The following ZFHX4 variants were observed in gnomAD, a reference collection of about 807,000 sequenced individuals.
The protein encoded by ZFHX4 is zinc finger homeobox 4, also known as zinc finger homeobox protein 4.
Under a neutral mutation model 267.6 loss-of-function variants are expected in ZFHX4, and 56 were observed. That is an observed-to-expected ratio of 0.21 (90% CI 0.17 to 0.26). ZFHX4 has a LOEUF of 0.26. Ranked by LOEUF, ZFHX4 falls within the 10% of genes least tolerant of loss-of-function variation. The probability of loss-of-function intolerance (pLI) is 1.00; values close to 1 mark genes in which losing one functional copy is unlikely to be tolerated. For missense variants in ZFHX4, 4,332 were observed against 4,420.0 expected, an observed-to-expected ratio of 0.98 and a Z score of 0.56; for synonymous variants, 1,778 against 1,665.6, an observed-to-expected ratio of 1.07 and a Z score of -1.64.
chr8:76,862,934 GTT>G, intron 10 of ZFHX4, among the ~76,000 whole-genome samples, 158 bp from the exon 11 acceptor site: 1 of 152,122 alleles, frequency 6.6e-6, no homozygotes, highest in Admixed American at 6.5e-5. Context: ...AAAGCCCCAT[GTT>G]GAAGTTCTAG....
intron 3 of ZFHX4, among the ~76,000 whole-genome samples, chr8:76,729,345 T>C (rs1485769654): frequency 6.6e-6 from 1 of 152,160 alleles, no homozygotes; most frequent in African/African-American, 2.4e-5. Context: ...GCTGAAACGA[T>C]GGTCCTGCTC....
intron 5 of ZFHX4, among the ~76,000 whole-genome samples, chr8:76,835,253 A>ATATATGTATATATATGTGTG (rs1812061083): frequency 7.3e-6 from 1 of 136,718 alleles, no homozygotes; most frequent in Non-Finnish European, 1.6e-5. Context: ...ATATATATAT[A>ATATATGTATATATATGTGTG]TATATATTCA....
chr8:76,797,882 C>CTATATG (rs752887213), intron 4 of ZFHX4, among the ~76,000 whole-genome samples: 2,729 of 135,560 alleles, frequency 0.02, 87 homozygotes, highest in African/African-American at 0.076. Flanking sequence ...GGGTGTGTGT[C>CTATATG]TGTATGTGTG....
chr8:76,724,692 A>C (rs941936323), intron 3 of ZFHX4, among the ~76,000 whole-genome samples: 5 of 152,002 alleles, frequency 3.3e-5, no homozygotes, highest in African/African-American at 1.2e-4. Flanking sequence ...TCTTTTGGTA[A>C]ATTTTTGGAA....
Position 76,704,538 on chromosome 8 carries a change from G to A in ZFHX4, c.450G>A (p.Gln150=). The A allele has an allele frequency of 1.9e-6, 3 of 1,613,972 alleles. No individual in the cohort carries two copies. The highest frequency in any genetic ancestry group is 2.5e-6 in the Non-Finnish European group (3 of 1,179,870). ...TTGAGGACTCCAAAGAAAGTGGGCAGAATGCACAGACTGGGGCAAATAGCA... is the reference window on the plus strand; with the variant it reads ...TTGAGGACTCCAAAGAAAGTGGGCAAAATGCACAGACTGGGGCAAATAGCA... The part of the protein sequence containing the change: ...YIIEDSKESG[Q]NAQTGANSKL... Residue 150 remains glutamine, a synonymous_variant, in exon 2 of 11, where the codon CAG becomes CAA. Coordinates refer to ENST00000651372, the MANE Select transcript of ZFHX4 (RefSeq NM_024721.5).
chr8:76,829,776 G>T (rs148630517), intron 4 of ZFHX4, among the ~76,000 whole-genome samples: 1 of 152,000 alleles, frequency 6.6e-6, no homozygotes. Context: ...TCAAGATCGC[G>T]CCACTGCACT....
chr8:76,820,492 T>C (rs1259531204), intron 4 of ZFHX4, among the ~76,000 whole-genome samples: 1 of 152,236 alleles, frequency 6.6e-6, no homozygotes, highest in Non-Finnish European at 1.5e-5. Flanking sequence ...GTGATGATTA[T>C]GACATGCTTC....
In ZFHX4 at chr8:76,705,518, C is replaced by G. The variant is rs747829798; in HGVS notation, c.1430C>G (p.Ala477Gly). 4 of 1,613,510 alleles carry G rather than the reference C, an allele frequency of 2.5e-6. No individual in the cohort carries two copies. In the East Asian group the frequency reaches 8.9e-5, roughly 36 times the overall value. Residue 477 changes from alanine to glycine, a missense_variant, in exon 2 of 11, where the codon GCG (alanine) becomes GGG (glycine). Physicochemically the swap from Ala to Gly is moderately conservative, Grantham distance 60. This residue lies in a region of ZFHX4 where 1,195 missense variants were observed against 1,173.6 expected (regional missense o/e 1.02). Transcript: ENST00000651372. ...TEPGDEDEED[A>G]YSNELDDEEV... ...CCGGGAGATGAGGATGAAGAAGATG[C>G]GTACTCCAATGAACTTGATGACGAG...
intron 4 of ZFHX4, among the ~76,000 whole-genome samples, chr8:76,829,829 A>T (rs12550379): frequency 0.034 from 5,215 of 152,110 alleles, 207 homozygotes; most frequent in East Asian, 0.18. Context: ...AGGAATGGGA[A>T]CCTTAAACAT....
chr8:76,700,557 G>T (rs891429970), intron 1 of ZFHX4, among the ~76,000 whole-genome samples: 2 of 152,156 alleles, frequency 1.3e-5, no homozygotes, highest in Non-Finnish European at 2.9e-5. Flanking sequence ...GGTGGGTTTG[G>T]TCATTTAGCA....
chr8:76,724,664 T>C (rs1808807077), intron 3 of ZFHX4, among the ~76,000 whole-genome samples: 1 of 152,120 alleles, frequency 6.6e-6, no homozygotes, highest in African/African-American at 2.4e-5. Flanking sequence ...AGCTTCTGGA[T>C]CAAATTTTGT....
At chr8:76,753,112 A>G (rs73231793) in intron 3 of ZFHX4, among the ~76,000 whole-genome samples, 2,588 of 152,314 alleles carry the variant, frequency 0.017, 80 homozygotes, top group African/African-American at 0.057. Flanking sequence ...TGTATTGATT[A>G]ATAAACTGCT....
intron 3 of ZFHX4, among the ~76,000 whole-genome samples, chr8:76,759,711 A>C (rs1030204992): frequency 6.6e-6 from 1 of 152,190 alleles, no homozygotes; most frequent in Non-Finnish European, 1.5e-5. Context: ...TAGTCATTTG[A>C]GTTTTAATTT....
At chr8:76,842,848 C>G in intron 6 of ZFHX4, 77 bp downstream of exon 6, 1 of 1,006,622 alleles carries the variant, frequency 9.9e-7, no homozygotes, top group Non-Finnish European at 1.5e-6. Context: ...CACCATCCCC[C>G]CACCCCACAA....
intron 10 of ZFHX4, among the ~76,000 whole-genome samples, chr8:76,860,457 A>T (rs1195986165): frequency 6.6e-6 from 1 of 152,084 alleles, no homozygotes; most frequent in Non-Finnish European, 1.5e-5. Flanking sequence ...CTATTGCTCC[A>T]TCTTGCTTTC....
At chr8:76,729,776 T>A (rs1808949917) in intron 3 of ZFHX4, among the ~76,000 whole-genome samples, 1 of 152,138 alleles carries the variant, frequency 6.6e-6, no homozygotes, top group Non-Finnish European at 1.5e-5. Context: ...AAAAGACATA[T>A]AACAGATTGA....
chr8:76,775,663 C>A (rs991601730), intron 3 of ZFHX4, among the ~76,000 whole-genome samples: 3 of 152,136 alleles, frequency 2.0e-5, no homozygotes, highest in African/African-American at 7.2e-5. Flanking sequence ...CCGGCTCACA[C>A]CTGCAGGCTT....
At chr8:76,712,336 A>C (rs1321920520) in intron 3 of ZFHX4, among the ~76,000 whole-genome samples, 1 of 152,198 alleles carries the variant, frequency 6.6e-6, no homozygotes, top group Non-Finnish European at 1.5e-5. Flanking sequence ...CATATTGGGA[A>C]CAGTATGTGT....
Position 76,852,819 on chromosome 8 carries a change from A to G in ZFHX4, c.5898A>G (p.Glu1966=). 1 of 1,613,810 alleles carries G rather than the reference A, an allele frequency of 6.2e-7. No individual in the cohort carries two copies. Among genetic ancestry groups the G allele is most frequent in the Non-Finnish European group, 8.5e-7 (1 of 1,179,818 alleles). The change falls in exon 10 of 11, where the codon GAA becomes GAG. Residue 1966 remains glutamate, a synonymous_variant. Coordinates refer to ENST00000651372, the MANE Select transcript of ZFHX4 (RefSeq NM_024721.5). The part of the protein sequence containing the change: ...SNVLILKSHQ[E]HVHGQFFPYA... ...TTCTTATTTTAAAGAGTCACCAAGAACATGTACATGGGCAATTTTTTCCAT... is the reference window on the plus strand; with the variant it reads ...TTCTTATTTTAAAGAGTCACCAAGAGCATGTACATGGGCAATTTTTTCCAT...
Sources: gnomAD v4.1 joint callset for allele counts (sites outside exome capture counted in the v4.1 genomes callset) on GRCh38, gnomAD v4.1.1 for gene constraint, gnomAD v4.1.1 regional missense constraint, MANE v1.5 for transcripts, NCBI Gene and HGNC (gene_info 2026-07-23, HGNC 2026-07-21) for gene names.